Variants in RANBP3 observed in about 807,000 individuals in gnomAD.
RANBP3 encodes the protein RAN binding protein 3.
In RANBP3, 14 loss-of-function variants were observed where a neutral mutation model predicts 77.3. That is an observed-to-expected ratio of 0.18 (90% CI 0.12 to 0.28). The LOEUF (loss-of-function observed/expected upper bound fraction) is 0.28, where lower values mean the gene tolerates loss of function less well. RANBP3 is among the 10% of genes least tolerant of loss of function. RANBP3 has a pLI of 1.00. For missense variants in RANBP3, 586 were observed against 752.3 expected (o/e 0.78, Z 2.59); for synonymous variants, 315 against 312.4 (o/e 1.01, Z -0.09).
At chr19:5,938,208 CA>C (rs145391175) in intron 5 of RANBP3, among the ~76,000 whole-genome samples, 1,550 of 152,284 alleles carry the variant, frequency 0.01, 40 homozygotes, top group African/African-American at 0.036. Flanking sequence ...TTGAAGTCGG[CA>C]ATGAATTTAT....
At chr19:5,969,855 G>A (rs919461643) in intron 1 of RANBP3, among the ~76,000 whole-genome samples, 4 of 152,270 alleles carry the variant, frequency 2.6e-5, no homozygotes, top group African/African-American at 9.6e-5. Flanking sequence ...TGTTCTTCCT[G>A]AAGAGGGATA....
At position 5,971,664 on chromosome 19, in the gene RANBP3, T is replaced by C. The variant is rs1357457512; in HGVS notation, c.22+6397A>G. Reference sequence around the variant, plus strand: ...GGGACTGCAGGGCCCCGGACCATCTTTGAGAACTGCTGCCATATGCTATCT... The same window carrying C: ...GGGACTGCAGGGCCCCGGACCATCTCTGAGAACTGCTGCCATATGCTATCT... On this transcript the variant is annotated intron_variant, in intron 1 of 16. Transcript: ENST00000340578. Among the ~76,000 whole-genome samples the C allele has an allele frequency of 2.6e-5, 4 of 152,234 alleles. No homozygotes were observed. The East Asian group carries it at 7.7e-4, about 29-fold the overall frequency.
At chr19:5,927,824 GC>G in intron 9 of RANBP3, 143 bp downstream of exon 9, 1 of 1,062,804 alleles carries the variant, frequency 9.4e-7, no homozygotes, top group Non-Finnish European at 1.3e-6. Flanking sequence ...AGCAGACTGT[GC>G]CGTGAGCCAT....
At chr19:5,927,863 T>A (rs1274721671) in intron 9 of RANBP3, 105 bp downstream of exon 9, 2 of 1,431,048 alleles carry the variant, frequency 1.4e-6, no homozygotes, top group African/African-American at 2.9e-5. Context: ...ACCTTCTTTG[T>A]CCCACGCTCC....
intron 1 of RANBP3, chr19:5,974,392 G>A (rs182839624): frequency 6.6e-6 from 1 of 152,262 alleles, no homozygotes; most frequent in East Asian, 1.9e-4. Context: ...ACAAAACTCT[G>A]CCTTCAAATC....
chr19:5,951,372 G>A, intron 3 of RANBP3, 21 bp downstream of exon 3: 1 of 1,545,946 alleles, frequency 6.5e-7, no homozygotes. Flanking sequence ...CGGTAGGAGT[G>A]CCGGGTAGGT....
At chr19:5,923,993 G>A (rs1482554145) in intron 11 of RANBP3, 79 bp from the exon 12 acceptor site, 2 of 1,126,094 alleles carry the variant, frequency 1.8e-6, no homozygotes, top group Non-Finnish European at 2.6e-6. Context: ...CTCTCTGCCT[G>A]GCCCCCAACA....
intron 1 of RANBP3, 123 bp downstream of exon 1, chr19:5,977,938 C>T: frequency 6.2e-6 from 8 of 1,299,036 alleles, no homozygotes; most frequent in Non-Finnish European, 8.2e-6. Context: ...CCCGCCACGG[C>T]GCTAGCCTGG....
intron 13 of RANBP3, among the ~76,000 whole-genome samples, chr19:5,922,743 C>A (rs890664818): frequency 6.6e-6 from 1 of 152,132 alleles, no homozygotes; most frequent in African/African-American, 2.4e-5. Flanking sequence ...AGTTTGAGAC[C>A]AGCCTGGCCA....
At chr19:5,971,487 A>G (rs1261937911) in intron 1 of RANBP3, among the ~76,000 whole-genome samples, 6 of 152,194 alleles carry the variant, frequency 3.9e-5, no homozygotes, top group Non-Finnish European at 7.3e-5. Flanking sequence ...CTGCTTCTAT[A>G]GTTCATCTGT....
chr19:5,918,482 C>T lies in RANBP3; in HGVS notation c.1473+14G>A, dbSNP rs374790821. 3.1e-5 allele frequency: 49 copies of T among 1,600,984 alleles called. No homozygotes were observed. The highest frequency in any genetic ancestry group is 6.7e-5 in the Admixed American group (4 of 59,374). On this transcript the variant is annotated intron_variant, in intron 15 of 16. Transcript: ENST00000340578. ...GGATGAGGGGTCCCAGATGCACCCG[C>T]GTGGCTGGCTCACCGAGATCAGGAA...
intron 1 of RANBP3, among the ~76,000 whole-genome samples, chr19:5,968,355 G>A (rs1399850543): frequency 6.6e-6 from 1 of 152,204 alleles, no homozygotes; most frequent in Non-Finnish European, 1.5e-5. Flanking sequence ...ATAAGACAAT[G>A]TACCTCTGGC....
chr19:5,959,173 C>A lies in RANBP3; in HGVS notation c.23-1200G>T, dbSNP rs954084641. ...GTCACAGCTTGCGGGGTGATGGGGC[C>A]AGGGGCAGGCGGTGGGCATGCTGAC... On this transcript the variant is annotated intron_variant, in intron 1 of 16. Transcript: ENST00000340578. This position sits in a 1 kb window ranked among gnomAD's most constrained non-coding sequence, Gnocchi z 5.1. 6.6e-6 allele frequency among the ~76,000 whole-genome samples: 1 copy of A among 152,114 alleles called. No homozygotes were observed. Among genetic ancestry groups the A allele is most frequent in the African/African-American group, 2.4e-5 (1 of 41,410 alleles).
rs1273973843 is a variant in RANBP3, at chr19:5,978,109, G to A, written c.-27C>T. The A allele has an allele frequency of 6.2e-7, 1 of 1,602,148 alleles. No individual in the cohort carries two copies. Among genetic ancestry groups the A allele is most frequent in the Non-Finnish European group, 8.5e-7 (1 of 1,175,138 alleles). On this transcript the variant is annotated 5_prime_UTR_variant, in exon 1 of 17. Coordinates refer to ENST00000340578, the MANE Select transcript of RANBP3 (RefSeq NM_007322.3). ...TTACTTCCTTAAGCCCTCCCACAAG[G>A]CCCCGCGCCGGCCCAGGCTCGCCTG...
chr19:5,931,350 C>A (rs1028800483), intron 8 of RANBP3, 54 bp downstream of exon 8: 3 of 1,555,906 alleles, frequency 1.9e-6, no homozygotes, highest in African/African-American at 2.7e-5. Context: ...AGGCTGCCCT[C>A]CCGCTCCCAA....
chr19:5,960,380 C>T (rs1056285193), intron 1 of RANBP3, among the ~76,000 whole-genome samples: 1 of 152,178 alleles, frequency 6.6e-6, no homozygotes, highest in Non-Finnish European at 1.5e-5. Flanking sequence ...GTGGAAGAGA[C>T]CTTGGACAGG....
chr19:5,975,255 G>A (rs2058576766), intron 1 of RANBP3, among the ~76,000 whole-genome samples: 1 of 152,206 alleles, frequency 6.6e-6, no homozygotes, highest in Non-Finnish European at 1.5e-5. Flanking sequence ...CCTGAGGACA[G>A]TTATCCCAGA....
At position 5,925,818 on chromosome 19, in the gene RANBP3, G is replaced by A. The variant is rs2057900335; in HGVS notation, c.814-81C>T. 7.1e-5 allele frequency: 78 copies of A among 1,098,452 alleles called. 3 individuals are homozygous for A. In the South Asian group the frequency reaches 9.8e-4, roughly 14 times the overall value. The allele number at this position is 1,098,452 out of a possible 1,614,324, so 68.0% of individuals were successfully genotyped here. On this transcript the variant is annotated intron_variant, in intron 9 of 16. Transcript: ENST00000340578. ...ACAGCTCAGTGTCTGCAGACCCCCT[G>A]AGCTGCATGGAGCTGCTCGGAGCCA...
intron 14 of RANBP3, among the ~76,000 whole-genome samples, chr19:5,920,059 A>G (rs1455606530): frequency 2.0e-5 from 3 of 152,162 alleles, no homozygotes; most frequent in African/African-American, 4.8e-5. Context: ...CCTGAAACCC[A>G]TATTTATGAA....
Sources: gnomAD v4.1 joint callset for allele counts (sites outside exome capture counted in the v4.1 genomes callset) on GRCh38, gnomAD v4.1.1 for gene constraint, Gnocchi (gnomAD v3.1) non-coding constraint, MANE v1.5 for transcripts, NCBI Gene and HGNC (gene_info 2026-07-23, HGNC 2026-07-21) for gene names.